Variants in DLGAP1 observed in about 807,000 individuals in gnomAD.
The protein encoded by DLGAP1 is DLG associated protein 1.
A neutral mutation model predicts 90.8 loss-of-function variants in DLGAP1; 11 were observed. That is an observed-to-expected ratio of 0.12 (90% CI 0.08 to 0.20). The LOEUF (loss-of-function observed/expected upper bound fraction) is 0.20, where lower values mean the gene tolerates loss of function less well. DLGAP1 is among the 10% of genes least tolerant of loss of function. DLGAP1 has a pLI of 1.00. For synonymous variants in DLGAP1, 558 were observed against 540.7 expected (o/e 1.03, Z -0.44); for missense variants, 1,050 against 1,333.8 (o/e 0.79, Z 3.31).
intron 7 of DLGAP1, among the ~76,000 whole-genome samples, chr18:3,658,150 C>T (rs2146555257): frequency 6.6e-6 from 1 of 152,228 alleles, no homozygotes; most frequent in East Asian, 1.9e-4. Context: ...CAGAGATGTG[C>T]AGTGATCACA....
chr18:4,320,717 TACACAC>T (rs71160954), intron 1 of DLGAP1, among the ~76,000 whole-genome samples: 7,981 of 146,728 alleles, frequency 0.054, 232 homozygotes, highest in East Asian at 0.08. Context: ...ATTACAATTT[TACACAC>T]ACACACACAC....
intron 3 of DLGAP1, among the ~76,000 whole-genome samples, chr18:3,919,519 GTAC>G (rs2072220008): frequency 6.6e-6 from 1 of 152,194 alleles, no homozygotes; most frequent in South Asian, 2.1e-4. Flanking sequence ...CAGAGCCATA[GTAC>G]TACTTTAACA....
chr18:3,841,786 A>G (rs2148635753), intron 4 of DLGAP1, among the ~76,000 whole-genome samples: 1 of 152,302 alleles, frequency 6.6e-6, no homozygotes, highest in African/African-American at 2.4e-5. Context: ...ACAGCTTGTT[A>G]AAGAGTCCAG....
At chr18:3,843,383 G>A (rs529572204) in intron 4 of DLGAP1, among the ~76,000 whole-genome samples, 3 of 152,216 alleles carry the variant, frequency 2.0e-5, no homozygotes, top group Admixed American at 1.3e-4. Flanking sequence ...TAGCAATTGC[G>A]GATAAAAAGC....
At chr18:4,347,156 G>A (rs944121336) in intron 1 of DLGAP1, among the ~76,000 whole-genome samples, 1 of 152,024 alleles carries the variant, frequency 6.6e-6, no homozygotes, top group African/African-American at 2.4e-5. Flanking sequence ...TCCATTAATG[G>A]AGAAAGTTTA....
In DLGAP1 at chr18:4,342,620, G is replaced by C. The variant is rs952773785; in HGVS notation, c.-267+112386C>G. ...GGCTTAGGCTGAGATTACACAAAGAGGGAAATTAGCTCTATTGAAAATGTA... is the reference window on the plus strand; with the variant it reads ...GGCTTAGGCTGAGATTACACAAAGACGGAAATTAGCTCTATTGAAAATGTA... On this transcript the variant is annotated intron_variant, in intron 1 of 12. Transcript: ENST00000315677. The surrounding 1 kb of genome is among the most constrained non-coding windows in gnomAD (Gnocchi z 5.8). 1.1e-4 allele frequency among the ~76,000 whole-genome samples: 16 copies of C among 152,130 alleles called. No homozygotes were observed. The highest frequency in any genetic ancestry group is 8.8e-5 in the Non-Finnish European group (6 of 68,020).
intron 1 of DLGAP1, among the ~76,000 whole-genome samples, chr18:4,387,246 G>C (rs903602231): frequency 6.6e-6 from 1 of 152,140 alleles, no homozygotes; most frequent in African/African-American, 2.4e-5. Context: ...CACCTGCACA[G>C]CATTTTTCTA....
At chr18:4,126,742 T>C (rs909614431) in intron 2 of DLGAP1, among the ~76,000 whole-genome samples, 5 of 152,204 alleles carry the variant, frequency 3.3e-5, no homozygotes, top group African/African-American at 1.2e-4. Context: ...CTCATTACTC[T>C]AACAGTGGTT....
At chr18:3,592,651 C>A (rs975483980) in intron 7 of DLGAP1, among the ~76,000 whole-genome samples, 1 of 151,492 alleles carries the variant, frequency 6.6e-6, no homozygotes, top group South Asian at 2.1e-4. Flanking sequence ...CCAGCCTGGG[C>A]AACAGAGTGA....
chr18:4,013,151 G>A (rs1024773678), intron 2 of DLGAP1, among the ~76,000 whole-genome samples: 2 of 152,026 alleles, frequency 1.3e-5, no homozygotes, highest in Admixed American at 6.6e-5. Flanking sequence ...CTGAATGTTC[G>A]TTTTAGCCCT....
intron 4 of DLGAP1, among the ~76,000 whole-genome samples, chr18:3,828,021 T>C (rs928751034): frequency 6.6e-6 from 1 of 152,238 alleles, no homozygotes; most frequent in Admixed American, 6.5e-5. Context: ...ACTTCTTGAA[T>C]TGGGCTCCTT....
At chr18:4,296,731 A>C (rs1050169160) in intron 1 of DLGAP1, among the ~76,000 whole-genome samples, 7 of 152,224 alleles carry the variant, frequency 4.6e-5, no homozygotes, top group Non-Finnish European at 1.0e-4. Context: ...TCAAAAGAAT[A>C]AATAACCAAC....
At position 3,581,880 on chromosome 18, in the gene DLGAP1, T is replaced by C. The variant is rs755185909; in HGVS notation, c.1960A>G (p.Ile654Val). The change falls in exon 8 of 13, where the codon ATA (isoleucine) becomes GTA (valine). Residue 654 changes from isoleucine to valine, a missense_variant. Coordinates refer to ENST00000315677, the MANE Select transcript of DLGAP1 (RefSeq NM_004746.4). ...FKKNRCLSIGIQVDDAEEPDK... is the reference protein window; with the variant it reads ...FKKNRCLSIGVQVDDAEEPDK... ...ATAGAAAGGGAGGCTGTTACCTGTA[T>C]CCCGATAGACAGGCATCGATTTTTC... 1 of 1,614,002 alleles carries C rather than the reference T, an allele frequency of 6.2e-7. No individual in the cohort carries two copies. Among genetic ancestry groups the C allele is most frequent in the South Asian group, 1.1e-5 (1 of 91,072 alleles).
intron 1 of DLGAP1, among the ~76,000 whole-genome samples, chr18:4,390,977 A>G (rs752875818): frequency 4.6e-5 from 7 of 152,170 alleles, no homozygotes; most frequent in Non-Finnish European, 7.3e-5. Flanking sequence ...TACGGTCAGT[A>G]GTACAGAATG....
chr18:3,949,650 C>A (rs1269349694), intron 3 of DLGAP1, among the ~76,000 whole-genome samples: 1 of 152,172 alleles, frequency 6.6e-6, no homozygotes, highest in Admixed American at 6.6e-5. Context: ...GACATCCTCT[C>A]TGAGTTATGT....
intron 2 of DLGAP1, among the ~76,000 whole-genome samples, chr18:4,011,440 A>T (rs1196292301): frequency 6.6e-6 from 1 of 152,102 alleles, no homozygotes; most frequent in African/African-American, 2.4e-5. Flanking sequence ...GAGCAATAGT[A>T]CCTACAGGGG....
chr18:3,688,156 C>T (rs999427372), intron 7 of DLGAP1, among the ~76,000 whole-genome samples: 6 of 152,158 alleles, frequency 3.9e-5, no homozygotes, highest in Admixed American at 1.3e-4. Context: ...GGGGATCCAA[C>T]GGCCTCGGCC....
intron 2 of DLGAP1, among the ~76,000 whole-genome samples, chr18:4,045,435 A>AAAAAAAAAAAAAAAAC (rs2075037280): frequency 9.9e-6 from 1 of 101,354 alleles, no homozygotes; most frequent in Non-Finnish European, 2.0e-5. Context: ...ATCTCTACAA[A>AAAAAAAAAAAAAAAAC]AAAAAAAAAA....
chr18:4,227,781 C>T (rs1020574866), intron 1 of DLGAP1, among the ~76,000 whole-genome samples: 3 of 150,384 alleles, frequency 2.0e-5, no homozygotes, highest in African/African-American at 7.3e-5. Context: ...ACTAATGGTG[C>T]ATCTTAAAGA....
Sources: allele counts gnomAD v4.1 joint callset (sites outside exome capture counted in the v4.1 genomes callset), GRCh38; gene constraint gnomAD v4.1.1; non-coding constraint Gnocchi (gnomAD v3.1); transcripts MANE v1.5; gene names NCBI Gene and HGNC (gene_info 2026-07-23, HGNC 2026-07-21).